The following SSUH2 variants were observed in gnomAD, a reference collection of about 807,000 sequenced individuals.
SSUH2 encodes the protein protein SSUH2 homolog.
In SSUH2, 47 loss-of-function variants were observed where a neutral mutation model predicts 55.3. That is an observed-to-expected ratio of 0.85 (90% confidence interval 0.67 to 1.08). SSUH2 has a LOEUF of 1.08. Among genes scored for constraint, SSUH2 ranks in the 50% least tolerant of loss-of-function variants. The pLI is 0.00. For missense variants in SSUH2, 535 were observed against 490.7 expected, an observed-to-expected ratio of 1.09 and a Z score of -0.85; for synonymous variants, 212 against 191.5, an observed-to-expected ratio of 1.11 and a Z score of -0.89.
At chr3:8,625,462 C>T in intron 10 of SSUH2, 80 bp downstream of exon 10, 1 of 847,268 alleles carries the variant, frequency 1.2e-6, no homozygotes, top group Non-Finnish European at 2.0e-6. Context: ...GCAGCCTGCA[C>T]ACACAGCTAG....
chr3:8,654,807 A>T (rs1197916158), intron 7 of SSUH2, among the ~76,000 whole-genome samples: 1 of 150,916 alleles, frequency 6.6e-6, no homozygotes, highest in Non-Finnish European at 1.5e-5. Context: ...CTTCCCCAGG[A>T]TCACAGTAGG....
At chr3:8,676,378 G>A (rs1202962745) in intron 3 of SSUH2, among the ~76,000 whole-genome samples, 1 of 151,430 alleles carries the variant, frequency 6.6e-6, no homozygotes, top group Non-Finnish European at 1.5e-5. Context: ...GTGGGGGCGA[G>A]TCCACCTTCT....
intron 7 of SSUH2, chr3:8,658,775 C>T (rs1310613794): frequency 6.6e-6 from 1 of 152,194 alleles, no homozygotes; most frequent in East Asian, 1.9e-4. Flanking sequence ...CATGACTTCT[C>T]CTTCTATTAC....
At chr3:8,644,408 G>C (rs545066769) in intron 1 of SSUH2, among the ~76,000 whole-genome samples, 1 of 152,320 alleles carries the variant, frequency 6.6e-6, no homozygotes, top group East Asian at 1.9e-4. Flanking sequence ...CTGTGATAGA[G>C]AGAAAAGTTC....
intron 1 of SSUH2, among the ~76,000 whole-genome samples, chr3:8,637,885 T>C (rs1700179134): frequency 6.6e-6 from 1 of 152,184 alleles, no homozygotes; most frequent in African/African-American, 2.4e-5. Flanking sequence ...GGAACCTATT[T>C]AAAGCCCGTA....
intron 3 of SSUH2, chr3:8,634,345 T>C: frequency 7.9e-7 from 1 of 1,271,448 alleles, no homozygotes; most frequent in Non-Finnish European, 1.0e-6. Flanking sequence ...TCTTTCTGCA[T>C]GCCTCCCCCT....
Position 8,675,721 on chromosome 3 carries a change from T to G in SSUH2, c.-753+1485A>C, listed in dbSNP as rs559298376. On this transcript the variant is annotated intron_variant, in intron 3 of 18. Transcript: ENST00000317371. ...AACTTTGCAGTACTAGCCAAGCCTT[T>G]GCATGAGGTCACAAAGGGGGCTGGG... 6.6e-5 allele frequency among the ~76,000 whole-genome samples: 10 copies of G among 152,230 alleles called. No homozygotes were observed. In the South Asian group the frequency reaches 2.1e-3, roughly 32 times the overall value.
chr3:8,657,967 C>T (rs541055637), intron 7 of SSUH2, among the ~76,000 whole-genome samples: 3 of 152,240 alleles, frequency 2.0e-5, no homozygotes, highest in Non-Finnish European at 4.4e-5. Flanking sequence ...CTTCTCCCCA[C>T]GACAACTCCA....
intron 5 of SSUH2, chr3:8,663,951 G>A: frequency 2.5e-6 from 1 of 401,706 alleles, no homozygotes; most frequent in Non-Finnish European, 5.0e-6. Flanking sequence ...TAGACAGTGA[G>A]GGATTCTTTG....
intron 3 of SSUH2, among the ~76,000 whole-genome samples, chr3:8,675,888 C>T (rs2124869589): frequency 6.6e-6 from 1 of 152,234 alleles, no homozygotes; most frequent in South Asian, 2.1e-4. Context: ...GAAAAGATGG[C>T]AGCTGGACTT....
chr3:8,671,970 C>T (rs1401266632), exon 4 of SSUH2: 2 of 152,110 alleles, frequency 1.3e-5, no homozygotes, highest in Admixed American at 6.5e-5. Flanking sequence ...CTCTGGAAAT[C>T]ACCAACTATA....
intron 2 of SSUH2, among the ~76,000 whole-genome samples, chr3:8,679,049 A>AGCGG (rs1705718090): frequency 1.0e-5 from 1 of 99,552 alleles, no homozygotes; most frequent in African/African-American, 3.5e-5. Flanking sequence ...CACCAAACGC[A>AGCGG]GGGGAGGAAG....
intron 5 of SSUH2, 67 bp downstream of exon 5, chr3:8,631,982 T>C: frequency 2.3e-6 from 3 of 1,324,470 alleles, no homozygotes; most frequent in South Asian, 1.2e-5. Context: ...AGCCAAGTCC[T>C]GATATTTTCC....
At chr3:8,625,311 G>A (rs1418584639) in intron 10 of SSUH2, among the ~76,000 whole-genome samples, 1 of 151,980 alleles carries the variant, frequency 6.6e-6, no homozygotes, top group Non-Finnish European at 1.5e-5. Context: ...GTATTAGGAA[G>A]GAAGAACGGC....
upstream of SSUH2, among the ~76,000 whole-genome samples, chr3:8,649,728 C>A (rs1488668892): frequency 6.6e-6 from 1 of 152,114 alleles, no homozygotes; most frequent in Non-Finnish European, 1.5e-5. Context: ...GCCCCCCTCA[C>A]CTGGATTGCT....
chr3:8,628,596 C>T (rs1028847487), intron 7 of SSUH2, among the ~76,000 whole-genome samples: 13 of 152,170 alleles, frequency 8.5e-5, no homozygotes, highest in Admixed American at 1.3e-4. Flanking sequence ...AATCCGATGA[C>T]GTGTTCTTAT....
At chr3:8,663,429 C>G (rs892007207) in intron 6 of SSUH2, among the ~76,000 whole-genome samples, 12 of 152,250 alleles carry the variant, frequency 7.9e-5, no homozygotes, top group African/African-American at 2.9e-4. Flanking sequence ...GATTCAGACC[C>G]CTGTCTCTCG....
chr3:8,663,848 G>C, intron 5 of SSUH2: 1 of 456,724 alleles, frequency 2.2e-6, no homozygotes, highest in South Asian at 1.5e-5. Context: ...TCTTAGTAAT[G>C]ATGCGTGTCC....
chr3:8,632,239 G>T (rs1698943811), intron 4 of SSUH2, 130 bp from the exon 5 acceptor site: 1 of 706,234 alleles, frequency 1.4e-6, no homozygotes, highest in South Asian at 1.9e-5. Context: ...AACACCCTCG[G>T]CTGCTGGAAC....
Sources: allele counts gnomAD v4.1 joint callset (sites outside exome capture counted in the v4.1 genomes callset), GRCh38; gene constraint gnomAD v4.1.1; transcripts MANE v1.5; gene names NCBI Gene and HGNC (gene_info 2026-07-23, HGNC 2026-07-21).